The following ATRNL1 variants were observed in gnomAD, a reference collection of about 807,000 sequenced individuals.
ATRNL1 encodes attractin like 1, also known as attractin-like protein 1.
A neutral mutation model predicts 182.7 loss-of-function variants in ATRNL1; 95 were observed. The ratio of observed to expected loss-of-function variants is 0.52; its 90% confidence interval spans 0.44 to 0.62. ATRNL1 has a LOEUF of 0.62. Among genes scored for constraint, ATRNL1 ranks in the 20% least tolerant of loss-of-function variants. ATRNL1 has a pLI of 0.00. For synonymous variants in ATRNL1, 576 were observed against 568.3 expected (o/e 1.01, Z -0.19); for missense variants, 1,471 against 1,679.5 (o/e 0.88, Z 2.17).
chr10:115,304,686 G>GA (rs1243962656), intron 17 of ATRNL1, among the ~76,000 whole-genome samples: 4 of 151,988 alleles, frequency 2.6e-5, no homozygotes, highest in South Asian at 2.1e-4. Flanking sequence ...GTAGCCCTCG[G>GA]AAAAAAACTG....
intron 8 of ATRNL1, among the ~76,000 whole-genome samples, chr10:115,182,676 A>G (rs1554888018): frequency 6.6e-6 from 1 of 151,586 alleles, no homozygotes; most frequent in African/African-American, 2.4e-5. Context: ...TCATAGGTGA[A>G]TGATTACAGT....
At chr10:115,726,253 T>G (rs1416836252) in intron 26 of ATRNL1, among the ~76,000 whole-genome samples, 1 of 152,204 alleles carries the variant, frequency 6.6e-6, no homozygotes, top group African/African-American at 2.4e-5. Flanking sequence ...ACATTTTAAG[T>G]AAATGACAGA....
chr10:115,558,622 G>C (rs1447666485), intron 26 of ATRNL1, among the ~76,000 whole-genome samples: 5 of 152,014 alleles, frequency 3.3e-5, no homozygotes, highest in Admixed American at 1.3e-4. Flanking sequence ...ATTGGCCTCA[G>C]GTTCCCTGCC....
rs1226269274 is a variant in ATRNL1 at position 115,394,662 on chromosome 10, G to A, written c.3179G>A (p.Cys1060Tyr). Residue 1060 changes from cysteine to tyrosine, a missense_variant, in exon 20 of 29, where the codon TGT (cysteine) becomes TAT (tyrosine). This residue lies in a region of ATRNL1 where 437 missense variants were observed against 506.0 expected (regional missense o/e 0.86). Coordinates refer to ENST00000355044, the MANE Select transcript of ATRNL1 (RefSeq NM_207303.4). ...DPTNGGQCTA[C>Y]TCSGHANICH... ...TCATTTTGGTTTTGACTTACAGCTT[G>A]TACATGCAGTGGCCATGCAAATATC... is the stretch of plus-strand genomic sequence containing the variant. The A allele has an allele frequency of 1.2e-6, 2 of 1,610,884 alleles. No homozygotes were observed. The highest frequency in any genetic ancestry group is 1.7e-6 in the Non-Finnish European group (2 of 1,177,832).
rs1592471429 is a variant in ATRNL1 at position 115,334,332 on chromosome 10, C to G, written c.3088C>G (p.Gln1030Glu). 1 of 1,602,224 alleles carries G rather than the reference C, an allele frequency of 6.2e-7. No individual in the cohort carries two copies. ...TTGCATCAATAATAATGTGTGCGAA[C>G]AGTGTAAAAATCTCACCACAGGAAA... The part of the protein sequence containing the change: ...STCINNNVCE[Q>E]CKNLTTGKQC... Residue 1030 changes from glutamine (Q) to glutamate (E), a missense_variant, in exon 19 of 29, where the codon CAG becomes GAG. Gln to Glu is a conservative substitution (Grantham distance 29). This residue lies in a region of ATRNL1 where 437 missense variants were observed against 506.0 expected (regional missense o/e 0.86). Transcript: ENST00000355044.
chr10:115,452,504 G>T (rs538670239), intron 21 of ATRNL1, among the ~76,000 whole-genome samples: 12 of 151,570 alleles, frequency 7.9e-5, no homozygotes, highest in Non-Finnish European at 1.6e-4. Flanking sequence ...GCCATTTATT[G>T]CAGTCTCCCT....
At chr10:115,559,308 C>A (rs1218184877) in intron 26 of ATRNL1, among the ~76,000 whole-genome samples, 2 of 152,188 alleles carry the variant, frequency 1.3e-5, no homozygotes, top group Non-Finnish European at 2.9e-5. Flanking sequence ...GATACATCAA[C>A]ATTCTGTTTG....
At chr10:115,893,788 C>A (rs1952138229) in intron 28 of ATRNL1, among the ~76,000 whole-genome samples, 1 of 152,202 alleles carries the variant, frequency 6.6e-6, no homozygotes, top group Non-Finnish European at 1.5e-5. Context: ...TTCCATAGGA[C>A]CCCCACGCAA....
At chr10:115,476,667 C>T (rs1274836996) in intron 24 of ATRNL1, among the ~76,000 whole-genome samples, 5 of 151,226 alleles carry the variant, frequency 3.3e-5, no homozygotes, top group South Asian at 2.1e-4. Flanking sequence ...AAACTACTTT[C>T]AGCTCTCCAA....
At chr10:115,270,274 T>C (rs1456321793) in intron 13 of ATRNL1, among the ~76,000 whole-genome samples, 3 of 144,722 alleles carry the variant, frequency 2.1e-5, no homozygotes, top group South Asian at 2.1e-4. Context: ...ATATTATATA[T>C]AAATATATAA....
chr10:115,230,915 G>GAGAGAGAGAGAGAGAGAGAA (rs1849915693), intron 9 of ATRNL1, among the ~76,000 whole-genome samples: 2 of 137,542 alleles, frequency 1.5e-5, no homozygotes, highest in Admixed American at 7.3e-5. Context: ...GAGAGAGAGA[G>GAGAGAGAGAGAGAGAGAGAA]AGAGAGAAAG....
intron 9 of ATRNL1, among the ~76,000 whole-genome samples, chr10:115,235,505 C>A (rs1554901193): frequency 6.6e-6 from 1 of 151,896 alleles, no homozygotes; most frequent in East Asian, 1.9e-4. Context: ...TGTGTGGCTT[C>A]TTTCACTTAT....
intron 27 of ATRNL1, among the ~76,000 whole-genome samples, chr10:115,835,150 C>T (rs1377492539): frequency 6.6e-6 from 1 of 152,076 alleles, no homozygotes; most frequent in South Asian, 2.1e-4. Flanking sequence ...AGGATATTGG[C>T]GTCTTCTCTG....
At chr10:115,369,616 A>G (rs1242168657) in intron 19 of ATRNL1, among the ~76,000 whole-genome samples, 3 of 152,112 alleles carry the variant, frequency 2.0e-5, no homozygotes, top group African/African-American at 7.2e-5. Flanking sequence ...GATCATATGA[A>G]AGGTCCATTT....
Position 115,621,274 on chromosome 10 carries a change from TATAGAGAG to T in ATRNL1, c.3795+71740_3795+71747del, listed in dbSNP as rs1301390166. On this transcript the variant is annotated intron_variant, in intron 26 of 28. Coordinates refer to ENST00000355044, the MANE Select transcript of ATRNL1 (RefSeq NM_207303.4). ...CTCTGAATATATATATATATATATA[TATAGAGAG>T]AGAGAGAGAGAGAGAGAGAGAGAGA... Among the ~76,000 whole-genome samples, 21 of 48,226 alleles carry T rather than the reference TATAGAGAG, an allele frequency of 4.4e-4. 1 individual carries two copies. Among genetic ancestry groups the T allele is most frequent in the Admixed American group, 8.9e-4 (4 of 4,472 alleles). 31.6% of individuals were successfully genotyped at this position (48,226 alleles called of 152,430 possible). A position where few individuals can be genotyped will look rare whatever the true frequency, so the allele number is the denominator to read the frequency against.
At chr10:115,887,051 G>A (rs1230651504) in intron 28 of ATRNL1, among the ~76,000 whole-genome samples, 1 of 152,178 alleles carries the variant, frequency 6.6e-6, no homozygotes. Flanking sequence ...CAGGCATCAT[G>A]TATTGGCATT....
chr10:115,416,930 G>A (rs1845415923), intron 20 of ATRNL1, among the ~76,000 whole-genome samples: 2 of 152,136 alleles, frequency 1.3e-5, no homozygotes, highest in Non-Finnish European at 2.9e-5. Flanking sequence ...TGGCAGAATA[G>A]GAGATAACCT....
chr10:115,878,725 G>A (rs1251116522), intron 28 of ATRNL1, among the ~76,000 whole-genome samples: 2 of 152,144 alleles, frequency 1.3e-5, no homozygotes, highest in Non-Finnish European at 2.9e-5. Flanking sequence ...GTTGCATAAT[G>A]CATGTGTTTT....
At chr10:115,603,666 A>G (rs1407668965) in intron 26 of ATRNL1, among the ~76,000 whole-genome samples, 2 of 152,212 alleles carry the variant, frequency 1.3e-5, no homozygotes, top group African/African-American at 4.8e-5. Context: ...CATCATCATA[A>G]GCAGGCATCA....
Sources: allele counts gnomAD v4.1 joint callset (sites outside exome capture counted in the v4.1 genomes callset), GRCh38; gene constraint gnomAD v4.1.1; regional missense constraint gnomAD v4.1.1; transcripts MANE v1.5; gene names NCBI Gene and HGNC (gene_info 2026-07-23, HGNC 2026-07-21).